Variants in RGS22 observed in about 807,000 individuals in gnomAD.
RGS22 encodes regulator of G-protein signaling 22.
In RGS22, 148 loss-of-function variants were observed where a neutral mutation model predicts 172.9. The observed-to-expected ratio is 0.86, with a 90% CI of 0.75 to 0.98. The LOEUF (loss-of-function observed/expected upper bound fraction) is 0.98, where lower values mean the gene tolerates loss of function less well. RGS22 is among the 50% of genes least tolerant of loss of function. RGS22 has a pLI of 0.00. For missense variants in RGS22, 1,347 were observed against 1,440.8 expected (o/e 0.93, Z 1.05); for synonymous variants, 458 against 480.2 (o/e 0.95, Z 0.60).
At chr8:100,059,688 T>C (rs937731451) in intron 9 of RGS22, among the ~76,000 whole-genome samples, 3 of 152,086 alleles carry the variant, frequency 2.0e-5, no homozygotes, top group Non-Finnish European at 4.4e-5. Flanking sequence ...AATGCAACAA[T>C]AGCTGGAGAC....
chr8:100,036,071 C>T (rs923856799), intron 14 of RGS22, among the ~76,000 whole-genome samples: 1 of 150,996 alleles, frequency 6.6e-6, no homozygotes, highest in Non-Finnish European at 1.5e-5. Context: ...CAAACCTGCA[C>T]GTTGTGCACA....
Position 100,103,128 on chromosome 8 carries a change from AG to A in RGS22, c.54+2245del, listed in dbSNP as rs1423084904. Among the ~76,000 whole-genome samples the A allele has an allele frequency of 3.3e-5, 5 of 152,250 alleles. No homozygotes were observed. The East Asian group carries it at 9.6e-4, about 29-fold the overall frequency. ...AAAAATTAATAGCAATCTGATAGCC[AG>A]GGTAAGAGTGATAGGAGAAGGAAAA... On this transcript the variant is annotated intron_variant, in intron 2 of 27. Transcript: ENST00000360863.
At chr8:100,036,281 C>G (rs890323748) in intron 14 of RGS22, among the ~76,000 whole-genome samples, 1 of 152,084 alleles carries the variant, frequency 6.6e-6, no homozygotes, top group African/African-American at 2.4e-5. Flanking sequence ...GGTGATAATT[C>G]CCTTTCTCCT....
chr8:100,040,818 T>C (rs538891409), intron 12 of RGS22, among the ~76,000 whole-genome samples: 2 of 152,256 alleles, frequency 1.3e-5, no homozygotes, highest in South Asian at 4.1e-4. Flanking sequence ...GTATAAAAAA[T>C]TTAGGGTTTA....
At chr8:99,965,017 C>T (rs1443092412) in intron 24 of RGS22, among the ~76,000 whole-genome samples, 1 of 152,198 alleles carries the variant, frequency 6.6e-6, no homozygotes, top group Non-Finnish European at 1.5e-5. Flanking sequence ...AAGAATACAA[C>T]ATCCTATATA....
intron 2 of RGS22, among the ~76,000 whole-genome samples, chr8:100,096,443 C>A (rs1377493392): frequency 1.3e-5 from 2 of 152,070 alleles, no homozygotes; most frequent in Non-Finnish European, 2.9e-5. Flanking sequence ...TACAGGTGTG[C>A]CATCTGTGAA....
intron 3 of RGS22, among the ~76,000 whole-genome samples, chr8:100,086,737 C>T (rs1243868404): frequency 6.6e-6 from 1 of 152,048 alleles, no homozygotes; most frequent in Non-Finnish European, 1.5e-5. Context: ...GAAAGATAAG[C>T]AACTTATCGG....
chr8:100,088,483 A>G (rs754809424), intron 3 of RGS22, among the ~76,000 whole-genome samples: 1 of 152,160 alleles, frequency 6.6e-6, no homozygotes, highest in African/African-American at 2.4e-5. Flanking sequence ...AGAAAACTTA[A>G]TAAGCAAACA....
chr8:100,098,488 C>G (rs948149753), intron 2 of RGS22, among the ~76,000 whole-genome samples: 2 of 152,142 alleles, frequency 1.3e-5, no homozygotes, highest in Non-Finnish European at 2.9e-5. Flanking sequence ...AAACCAAAAG[C>G]CCGCATATCA....
intron 2 of RGS22, among the ~76,000 whole-genome samples, chr8:100,094,953 C>T (rs1247368376): frequency 6.6e-6 from 1 of 152,158 alleles, no homozygotes; most frequent in East Asian, 1.9e-4. Flanking sequence ...AAATAATTTG[C>T]AGTAGTGCAG....
chr8:100,099,515 G>C (rs1026728666), intron 2 of RGS22, among the ~76,000 whole-genome samples: 1 of 152,090 alleles, frequency 6.6e-6, no homozygotes, highest in Admixed American at 6.5e-5. Context: ...TCATATTAAA[G>C]GCCATCTCTC....
intron 23 of RGS22, among the ~76,000 whole-genome samples, chr8:99,976,779 T>C (rs1389761746): frequency 1.3e-5 from 2 of 152,190 alleles, no homozygotes; most frequent in African/African-American, 4.8e-5. Flanking sequence ...CTATTTGCAA[T>C]GTTTTATTTC....
chr8:100,070,440 T>C (rs1810882870), intron 6 of RGS22, among the ~76,000 whole-genome samples: 1 of 152,202 alleles, frequency 6.6e-6, no homozygotes, highest in African/African-American at 2.4e-5. Flanking sequence ...GTGACCAATA[T>C]GAAGGGTCAA....
rs762644729 is a variant in RGS22, at chr8:100,040,078, C to T, written c.1948G>A (p.Val650Met). 4.0e-5 allele frequency: 65 copies of T among 1,607,586 alleles called. No individual in the cohort carries two copies. Among genetic ancestry groups the T allele is most frequent in the East Asian group, 1.1e-4 (5 of 44,500 alleles). Residue 650 changes from valine (V) to methionine (M), a missense_variant, in exon 13 of 28, where the codon GTG (valine) becomes ATG (methionine). Transcript: ENST00000360863. Reference protein sequence around the residue: ...AYTEEPRVKTVSDVGALGGSD... With the variant: ...AYTEEPRVKTMSDVGALGGSD... ...CCTCCCAAGGCACCAACATCTGACA[C>T]GGTTTTAACCTAGATAACAAAACAG...
chr8:99,980,048 G>A (rs1812384067), intron 22 of RGS22, among the ~76,000 whole-genome samples: 1 of 152,316 alleles, frequency 6.6e-6, no homozygotes, highest in South Asian at 2.1e-4. Context: ...GAGATATCTA[G>A]GAGTATGGAC....
At chr8:100,086,261 T>C (rs1812151898) in intron 3 of RGS22, among the ~76,000 whole-genome samples, 1 of 152,180 alleles carries the variant, frequency 6.6e-6, no homozygotes, top group Admixed American at 6.6e-5. Flanking sequence ...TCAACTTTAA[T>C]ATTTTAAGGG....
At chr8:100,013,830 G>C (rs145190525) in intron 14 of RGS22, among the ~76,000 whole-genome samples, 47 of 152,214 alleles carry the variant, frequency 3.1e-4, no homozygotes, top group Non-Finnish European at 5.6e-4. Context: ...AATTGGGACT[G>C]AGAACTGTCC....
chr8:99,986,387 A>G (rs1242641569), intron 21 of RGS22, among the ~76,000 whole-genome samples: 1 of 152,236 alleles, frequency 6.6e-6, no homozygotes, highest in Non-Finnish European at 1.5e-5. Context: ...CAACTGTATT[A>G]GTGTCATATA....
chr8:100,072,106 A>G (rs1035381465), intron 5 of RGS22, 39 bp downstream of exon 5: 18 of 1,190,306 alleles, frequency 1.5e-5, no homozygotes. Context: ...GCTAATATAT[A>G]TGTATTTAAA....
Sources: allele counts gnomAD v4.1 joint callset (sites outside exome capture counted in the v4.1 genomes callset), GRCh38; gene constraint gnomAD v4.1.1; transcripts MANE v1.5; gene names NCBI Gene and HGNC (gene_info 2026-07-23, HGNC 2026-07-21).